The following NEGR1 variants were observed in gnomAD, a reference collection of about 807,000 sequenced individuals.
The protein encoded by NEGR1 is IgLON family member 4.
A neutral mutation model predicts 40.9 loss-of-function variants in NEGR1; 10 were observed. The observed-to-expected ratio is 0.24, with a 90% CI of 0.15 to 0.42. The LOEUF (loss-of-function observed/expected upper bound fraction) is 0.42. Ranked by LOEUF, NEGR1 falls within the 10% of genes least tolerant of loss-of-function variation. The probability of loss-of-function intolerance (pLI) is 1.00; values close to 1 mark genes in which losing one functional copy is unlikely to be tolerated. For missense variants in NEGR1, 352 were observed against 438.9 expected, an observed-to-expected ratio of 0.80 and a Z score of 1.77; for synonymous variants, 185 against 166.8, an observed-to-expected ratio of 1.11 and a Z score of -0.84.
Position 72,035,574 on chromosome 1 carries a change from T to C in NEGR1, c.177-100263A>G, listed in dbSNP as rs1025422725. ...AGAGTTATTTCTACAGAATATGACATAGAAGTGAGTATGAATGTATAATCA... is the reference window on the plus strand; with the variant it reads ...AGAGTTATTTCTACAGAATATGACACAGAAGTGAGTATGAATGTATAATCA... On this transcript the variant is annotated intron_variant, in intron 1 of 6. Transcript: ENST00000357731. 3.3e-5 allele frequency among the ~76,000 whole-genome samples: 5 copies of C among 152,134 alleles called. No individual in the cohort carries two copies. The South Asian group carries it at 6.2e-4, about 19-fold the overall frequency.
intron 3 of NEGR1, among the ~76,000 whole-genome samples, chr1:71,743,469 C>T (rs988728337): frequency 1.3e-5 from 2 of 151,270 alleles, no homozygotes; most frequent in Non-Finnish European, 2.9e-5. Flanking sequence ...ATAACTATAT[C>T]AGCCTCTTTG....
chr1:72,145,603 G>C lies in NEGR1; in HGVS notation c.176+136716C>G, dbSNP rs531490158. 9.2e-5 allele frequency among the ~76,000 whole-genome samples: 14 copies of C among 152,096 alleles called. 1 individual carries two copies. In the South Asian group the frequency reaches 2.5e-3, roughly 27 times the overall value. On this transcript the variant is annotated intron_variant, in intron 1 of 6. Transcript: ENST00000357731. Reference sequence around the variant, plus strand: ...TTGGTGTTAAGTATGGTTGGACTAGGGGGTAGAGATTGCATTTTTGCCCCT... The same window carrying C: ...TTGGTGTTAAGTATGGTTGGACTAGCGGGTAGAGATTGCATTTTTGCCCCT...
chr1:71,710,656 T>C (rs564721707), intron 3 of NEGR1, among the ~76,000 whole-genome samples: 1 of 152,248 alleles, frequency 6.6e-6, no homozygotes, highest in African/African-American at 2.4e-5. Flanking sequence ...TCTCACTTAT[T>C]TGTGGTATCT....
At chr1:71,639,366 A>G (rs894381303) in intron 4 of NEGR1, among the ~76,000 whole-genome samples, 1 of 152,066 alleles carries the variant, frequency 6.6e-6, no homozygotes, top group African/African-American at 2.4e-5. Context: ...GTGCAGCTAC[A>G]AAGAGCTGGC....
chr1:71,776,589 A>C, intron 2 of NEGR1, among the ~76,000 whole-genome samples: 1 of 152,270 alleles, frequency 6.6e-6, no homozygotes, highest in South Asian at 2.1e-4. Context: ...ATTTGTGTTA[A>C]GTAAACTAGA....
intron 2 of NEGR1, among the ~76,000 whole-genome samples, chr1:71,834,804 G>C (rs1658961675): frequency 6.6e-6 from 1 of 151,410 alleles, no homozygotes; most frequent in Non-Finnish European, 1.5e-5. Context: ...TTCTAGCCTT[G>C]CTATGTTACA....
chr1:71,933,797 T>G (rs988067831), intron 2 of NEGR1, among the ~76,000 whole-genome samples: 5 of 152,084 alleles, frequency 3.3e-5, no homozygotes, highest in African/African-American at 1.2e-4. Context: ...TTGACTTATT[T>G]TTCAATTTAT....
intron 1 of NEGR1, among the ~76,000 whole-genome samples, chr1:72,192,292 C>G (rs1231399686): frequency 2.0e-5 from 3 of 151,688 alleles, no homozygotes. Context: ...ATTTTCTAAA[C>G]CAAGATTGTA....
intron 1 of NEGR1, among the ~76,000 whole-genome samples, chr1:72,210,076 T>C (rs1653544360): frequency 6.6e-6 from 1 of 151,930 alleles, no homozygotes; most frequent in South Asian, 2.1e-4. Context: ...GTAACAAAGT[T>C]TATTTTCTTT....
Position 71,552,577 on chromosome 1 carries a change from G to C in NEGR1, c.940+40240C>G, listed in dbSNP as rs979644497. On this transcript the variant is annotated intron_variant, in intron 6 of 6. Coordinates refer to ENST00000357731, the MANE Select transcript of NEGR1 (RefSeq NM_173808.3). ...ATAGGATATATTCTATATATTCTCT[G>C]TATATATAGAATATATTCTATTTCT... Among the ~76,000 whole-genome samples the C allele has an allele frequency of 1.0e-4, 15 of 147,842 alleles. No homozygotes were observed. In the East Asian group the frequency reaches 3.0e-3, roughly 29 times the overall value.
At chr1:71,871,113 C>T (rs190408393) in intron 2 of NEGR1, among the ~76,000 whole-genome samples, 1 of 152,246 alleles carries the variant, frequency 6.6e-6, no homozygotes, top group East Asian at 1.9e-4. Context: ...TGTTCTCCAT[C>T]GTGTGTTAAG....
At chr1:71,549,998 T>C (rs1648023605) in intron 6 of NEGR1, among the ~76,000 whole-genome samples, 1 of 151,678 alleles carries the variant, frequency 6.6e-6, no homozygotes. Flanking sequence ...ATGCTTCCAA[T>C]GATCTATACT....
chr1:71,925,359 T>C (rs2101886837), intron 2 of NEGR1, among the ~76,000 whole-genome samples: 1 of 152,266 alleles, frequency 6.6e-6, no homozygotes, highest in South Asian at 2.1e-4. Flanking sequence ...GCATGGTCCC[T>C]TTTTCCCCGA....
intron 1 of NEGR1, among the ~76,000 whole-genome samples, chr1:72,132,353 A>G (rs1650291926): frequency 6.6e-6 from 1 of 152,196 alleles, no homozygotes; most frequent in Admixed American, 6.5e-5. Flanking sequence ...GAAAAAAGGG[A>G]GCAGGCAAGG....
chr1:72,216,400 T>TATATATATAC (rs1491047650), intron 1 of NEGR1, among the ~76,000 whole-genome samples: 60 of 121,930 alleles, frequency 4.9e-4, no homozygotes, highest in African/African-American at 1.9e-3. Flanking sequence ...TATATATATA[T>TATATATATAC]ACATATATAT....
At chr1:71,430,642 CTT>C (rs1392031516) in intron 6 of NEGR1, among the ~76,000 whole-genome samples, 1 of 140,390 alleles carries the variant, frequency 7.1e-6, no homozygotes, top group Non-Finnish European at 1.5e-5. Context: ...AGTGGTATGT[CTT>C]ATAGCTTTTT....
Position 71,396,748 on chromosome 1 carries a change from G to T in NEGR1, c.*10698C>A. 6.2e-6 allele frequency: 1 copy of T among 161,146 alleles called. No individual in the cohort carries two copies. Among genetic ancestry groups the T allele is most frequent in the Non-Finnish European group, 1.3e-5 (1 of 75,196 alleles). The allele number at this position is 161,146 out of a possible 1,614,324, so 10.0% of individuals were successfully genotyped here. A position where few individuals can be genotyped will look rare whatever the true frequency, so the allele number is the denominator to read the frequency against. On this transcript the variant is annotated 3_prime_UTR_variant, in exon 7 of 7. Coordinates refer to ENST00000357731, the MANE Select transcript of NEGR1 (RefSeq NM_173808.3). ...CACAAGTTCTCTTCTCTTCTCTGCT[G>T]CCATGTGAGATGTGCCTTTCACCTT... is the stretch of plus-strand genomic sequence containing the variant.
intron 1 of NEGR1, among the ~76,000 whole-genome samples, chr1:72,161,933 C>A (rs1651579738): frequency 6.6e-6 from 1 of 151,712 alleles, no homozygotes; most frequent in South Asian, 2.1e-4. Flanking sequence ...CTCAAGTGAT[C>A]CACTTGCCTC....
intron 1 of NEGR1, among the ~76,000 whole-genome samples, chr1:72,254,719 A>AG (rs1491447893): frequency 6.9e-6 from 1 of 144,746 alleles, no homozygotes; most frequent in Non-Finnish European, 1.5e-5. Context: ...AAAAAAAAAA[A>AG]GCATTTTATT....
Sources: allele counts gnomAD v4.1 joint callset (sites outside exome capture counted in the v4.1 genomes callset), GRCh38; gene constraint gnomAD v4.1.1; transcripts MANE v1.5; gene names NCBI Gene and HGNC (gene_info 2026-07-23, HGNC 2026-07-21).